PCDHA4: variants seen among roughly 807,000 people sequenced by gnomAD.
The protein encoded by PCDHA4 is protocadherin alpha-4.
A neutral mutation model predicts 61.4 loss-of-function variants in PCDHA4; 49 were observed. The ratio of observed to expected loss-of-function variants is 0.80; its 90% CI spans 0.63 to 1.01. The LOEUF (loss-of-function observed/expected upper bound fraction) is 1.01, where lower values mean the gene tolerates loss of function less well. PCDHA4 is among the 50% of genes least tolerant of loss of function. The pLI is 0.00. For missense variants in PCDHA4, 1,254 were observed against 1,235.8 expected (o/e 1.01, Z -0.22); for synonymous variants, 590 against 550.3 (o/e 1.07, Z -1.01).
At chr5:140,883,675 G>T (rs782140381) in intron 1 of PCDHA4, 5 of 1,613,894 alleles carry the variant, frequency 3.1e-6, no homozygotes, top group Non-Finnish European at 4.2e-6. Context: ...AAAACAATCC[G>T]CCGGGCTGCC....
chr5:140,862,294 T>G, intron 1 of PCDHA4: 1 of 269,096 alleles, frequency 3.7e-6, no homozygotes, highest in Non-Finnish European at 7.3e-6. Context: ...AGGAGGACGC[T>G]CCACTGGGTA....
At position 140,927,227 on chromosome 5, in the gene PCDHA4, T is replaced by G. The variant is rs782721972; in HGVS notation, c.2386-51722T>G. The G allele has an allele frequency of 3.2e-5, 51 of 1,613,848 alleles. No individual in the cohort carries two copies. The highest frequency in any genetic ancestry group is 1.6e-4 in the Middle Eastern group (1 of 6,084). ...CCGCTGGAGCTGCACAAGATTCGGA[T>G]TCACGTCCTGGACACCAATGACAAC... On this transcript the variant is annotated intron_variant, in intron 1 of 3. Coordinates refer to ENST00000530339, the MANE Select transcript of PCDHA4 (RefSeq NM_018907.4).
In PCDHA4 at chr5:140,808,762, C is replaced by A. The variant is rs150405058; in HGVS notation, c.1575C>A (p.His525Gln). ...TGTACGCGCTGCAGCCGCTGGACCACGAGGAGCTAGAGCTGCTGCAGTTTC... is the reference window on the plus strand; with the variant it reads ...TGTACGCGCTGCAGCCGCTGGACCAAGAGGAGCTAGAGCTGCTGCAGTTTC... ...GKVYALQPLD[H>Q]EELELLQFQV... Residue 525 changes from histidine to glutamine, a missense_variant, in exon 1 of 4, where the codon CAC (histidine) becomes CAA (glutamine). His to Gln is a conservative substitution (Grantham distance 24). Transcript: ENST00000530339. The A allele has an allele frequency of 1.4e-5, 22 of 1,612,106 alleles. No homozygotes were observed. Among genetic ancestry groups the A allele is most frequent in the Middle Eastern group, 2.1e-4 (1 of 4,852 alleles).
intron 1 of PCDHA4, chr5:140,882,431 G>A (rs374040153): frequency 1.2e-6 from 2 of 1,614,044 alleles, no homozygotes; most frequent in Non-Finnish European, 8.5e-7. Flanking sequence ...CCTGGGGCTG[G>A]AGCTGGCGGA....
intron 1 of PCDHA4, chr5:140,928,218 A>G: frequency 6.2e-7 from 1 of 1,614,190 alleles, no homozygotes; most frequent in East Asian, 2.2e-5. Flanking sequence ...ATGACAATAC[A>G]CCAAACTTTC....
At chr5:140,944,171 GT>G (rs1250322343) in intron 1 of PCDHA4, among the ~76,000 whole-genome samples, 1 of 152,008 alleles carries the variant, frequency 6.6e-6, no homozygotes, top group Non-Finnish European at 1.5e-5. Context: ...GCCAAGGCTG[GT>G]TTTTTGTTGG....
intron 1 of PCDHA4, among the ~76,000 whole-genome samples, chr5:140,960,011 A>G (rs578052753): frequency 1.2e-4 from 18 of 152,350 alleles, no homozygotes; most frequent in Admixed American, 1.0e-3. Flanking sequence ...TCTATTTTGC[A>G]TCATGATTTT....
intron 1 of PCDHA4, among the ~76,000 whole-genome samples, chr5:140,934,025 A>C (rs190533956): frequency 1.2e-3 from 183 of 152,100 alleles, no homozygotes; most frequent in Non-Finnish European, 2.2e-3. Flanking sequence ...ACTTGGAAGT[A>C]GTTTATTAAT....
chr5:140,945,246 G>A (rs1257337219), intron 1 of PCDHA4, among the ~76,000 whole-genome samples: 1 of 151,864 alleles, frequency 6.6e-6, no homozygotes, highest in African/African-American at 2.4e-5. Context: ...TTAACCAAGA[G>A]GATGAAAGAC....
intron 1 of PCDHA4, chr5:140,823,498 G>T (rs2150126426): frequency 1.2e-6 from 2 of 1,613,304 alleles, no homozygotes; most frequent in Admixed American, 1.7e-5. Context: ...CACCGGCGGC[G>T]CAGTGAGCGA....
intron 3 of PCDHA4, among the ~76,000 whole-genome samples, chr5:140,992,354 A>C (rs996986066): frequency 1.3e-5 from 2 of 152,184 alleles, no homozygotes; most frequent in Non-Finnish European, 2.9e-5. Context: ...TGGAGAGAGG[A>C]GAAAAATGGT....
Position 140,941,322 on chromosome 5 carries a change from T to C in PCDHA4, c.2386-37627T>C, listed in dbSNP as rs1340835610. Among the ~76,000 whole-genome samples the C allele has an allele frequency of 3.4e-5, 5 of 145,550 alleles. No individual in the cohort carries two copies. The East Asian group carries it at 6.0e-4, about 17-fold the overall frequency. The stretch of plus-strand genomic sequence containing the variant: ...TTTCTTTCTTTTTCTTCTTTCTCTT[T>C]TTTTTTTTTTTTCAGATGGAGTCTT... On this transcript the variant is annotated intron_variant, in intron 1 of 3. Coordinates refer to ENST00000530339, the MANE Select transcript of PCDHA4 (RefSeq NM_018907.4).
intron 1 of PCDHA4, chr5:140,869,509 A>T (rs199564677): frequency 3.1e-6 from 5 of 1,614,206 alleles, no homozygotes; most frequent in Non-Finnish European, 3.4e-6. Context: ...GTTCTCGCTC[A>T]GAGAACAAAA....
intron 1 of PCDHA4, chr5:140,850,407 G>C: frequency 6.3e-7 from 1 of 1,597,938 alleles, no homozygotes; most frequent in Non-Finnish European, 8.6e-7. Context: ...GCGTGCCCTG[G>C]ACGAAACGGA....
Position 140,807,658 on chromosome 5 carries a change from C to A in PCDHA4, c.471C>A (p.Ala157=). ...ACTCTCGGTTTCCACTAGAGGGCGC[C>A]TCGGATGCAGATATCGGGGAGAACG... The part of the protein sequence containing the change: ...PLDSRFPLEG[A]SDADIGENAL... The change falls in exon 1 of 4, where the codon GCC becomes GCA. Residue 157 remains alanine (A), a synonymous_variant. Coordinates refer to ENST00000530339, the MANE Select transcript of PCDHA4 (RefSeq NM_018907.4). 1.2e-6 allele frequency: 2 copies of A among 1,614,204 alleles called. No individual in the cohort carries two copies. Among genetic ancestry groups the A allele is most frequent in the Non-Finnish European group, 1.7e-6 (2 of 1,180,044 alleles).
intron 1 of PCDHA4, among the ~76,000 whole-genome samples, chr5:140,915,331 T>G (rs1485344164): frequency 6.6e-6 from 1 of 152,184 alleles, no homozygotes; most frequent in Non-Finnish European, 1.5e-5. Context: ...TGTTATAATA[T>G]TCTGTGTTTT....
At chr5:140,838,754 T>A in intron 1 of PCDHA4, among the ~76,000 whole-genome samples, 1 of 151,892 alleles carries the variant, frequency 6.6e-6, no homozygotes, top group East Asian at 1.9e-4. Flanking sequence ...TGTGCATCTT[T>A]TGTAGAGACT....
intron 3 of PCDHA4, among the ~76,000 whole-genome samples, chr5:141,005,934 G>A (rs556608068): frequency 3.4e-4 from 52 of 151,912 alleles, no homozygotes; most frequent in Non-Finnish European, 7.2e-4. Context: ...TTGACAGAGT[G>A]AGAACCTATC....
rs2150462879 is a variant in PCDHA4 at position 140,850,003 on chromosome 5, C to T, written c.2385+40431C>T. On this transcript the variant is annotated intron_variant, in intron 1 of 3. Coordinates refer to ENST00000530339, the MANE Select transcript of PCDHA4 (RefSeq NM_018907.4). ...GTGGAGCGGCGGTTGGGCGAGCGCTCGCTGTCGAGCTACGTGTCAGTGCAC... is the reference window on the plus strand; with the variant it reads ...GTGGAGCGGCGGTTGGGCGAGCGCTTGCTGTCGAGCTACGTGTCAGTGCAC... 1.5e-5 allele frequency: 24 copies of T among 1,596,910 alleles called. No homozygotes were observed. The East Asian group carries it at 5.1e-4, about 34-fold the overall frequency.
Sources: allele counts gnomAD v4.1 joint callset (sites outside exome capture counted in the v4.1 genomes callset), GRCh38; gene constraint gnomAD v4.1.1; transcripts MANE v1.5; gene names NCBI Gene and HGNC (gene_info 2026-07-23, HGNC 2026-07-21).